The following ALOX15B variants were observed in gnomAD, a reference collection of about 807,000 sequenced individuals.
ALOX15B encodes arachidonate 15-lipoxygenase type B.
A neutral mutation model predicts 73.8 loss-of-function variants in ALOX15B; 74 were observed. The observed-to-expected ratio is 1.00, with a 90% CI of 0.83 to 1.22. The LOEUF (loss-of-function observed/expected upper bound fraction) is 1.22, where lower values mean the gene tolerates loss of function less well. ALOX15B is among the 50% of genes most tolerant of loss of function. The probability of loss-of-function intolerance (pLI) is 0.00; values close to 1 mark genes in which losing one functional copy is unlikely to be tolerated. For missense variants in ALOX15B, 896 were observed against 859.9 expected, an observed-to-expected ratio of 1.04 and a Z score of -0.52; for synonymous variants, 353 against 357.2, an observed-to-expected ratio of 0.99 and a Z score of 0.13.
chr17:8,045,578 G>C lies in ALOX15B; in HGVS notation c.1092G>C (p.Glu364Asp), dbSNP rs764388527. The change falls in exon 8 of 14, where the codon GAG (glutamate) becomes GAC (aspartate). Residue 364 changes from glutamate (E) to aspartate (D), a missense_variant. Physicochemically the swap from Glu to Asp is conservative, Grantham distance 45. Transcript: ENST00000380183. ...CCAAGACCTGGGTGCGCAATGCCGA[G>C]TTCTCCTTCCATGAGGCCCTCACGC... ...LLAKTWVRNA[E>D]FSFHEALTHL... The C allele has an allele frequency of 1.2e-6, 2 of 1,614,062 alleles. No homozygotes were observed. Among genetic ancestry groups the C allele is most frequent in the African/African-American group, 1.3e-5 (1 of 74,912 alleles).
rs200065292 is a variant in ALOX15B, at chr17:8,039,489, C to T, written c.251C>T (p.Pro84Leu). Residue 84 changes from proline to leucine, a missense_variant, in exon 2 of 14, where the codon CCG becomes CTG. By Grantham distance (98) the Pro-to-Leu change is moderately conservative (BLOSUM62 -3). Coordinates refer to ENST00000380183, the MANE Select transcript of ALOX15B (RefSeq NM_001141.3). ...CTGCCCCTGCTGGGGCCCCTGGCCC[C>T]GGATGCCTGGTTCTGCCGCTGGTTC... The part of the protein sequence containing the change: ...PVLPLLGPLA[P>L]DAWFCRWFQL... 6.3e-7 allele frequency: 1 copy of T among 1,583,226 alleles called. No individual in the cohort carries two copies. Among genetic ancestry groups the T allele is most frequent in the Non-Finnish European group, 8.6e-7 (1 of 1,166,920 alleles).
intron 11 of ALOX15B, 21 bp from the exon 12 acceptor site, chr17:8,047,543 C>A (rs760048780): frequency 3.8e-6 from 6 of 1,583,534 alleles, no homozygotes; most frequent in Non-Finnish European, 5.2e-6. Context: ...AAGCCCCATC[C>A]CAGCCCAGCT....
At chr17:8,047,429 TC>T in intron 11 of ALOX15B, 50 bp downstream of exon 11, 1 of 1,608,278 alleles carries the variant, frequency 6.2e-7, no homozygotes. Context: ...CATCCCCGTG[TC>T]CCCCACCCCC....
rs375041979 is a variant in ALOX15B at position 8,045,602 on chromosome 17, G to A, written c.1116G>A (p.Thr372=). ...AGTTCTCCTTCCATGAGGCCCTCAC[G>A]CACCTGCTGCACTCACATCTGCTGC... ...NAEFSFHEAL[T]HLLHSHLLPE... Residue 372 remains threonine (T), a synonymous_variant, in exon 8 of 14, where the codon ACG becomes ACA. Transcript: ENST00000380183. The A allele has an allele frequency of 3.1e-5, 50 of 1,614,128 alleles. No individual in the cohort carries two copies. The Admixed American group carries it at 4.3e-4, about 14-fold the overall frequency.
rs1298128701 is a variant in ALOX15B, at chr17:8,039,901, G to C, written c.368-1G>C. ...CCCAACCTACTCCCCTTCTCCCACAGCCAAGGTGTCCTGGGCAGACCACCA... is the reference window on the plus strand; with the variant it reads ...CCCAACCTACTCCCCTTCTCCCACACCCAAGGTGTCCTGGGCAGACCACCA... On this transcript the variant is annotated splice_acceptor_variant, in intron 2 of 13. Coordinates refer to ENST00000380183, the MANE Select transcript of ALOX15B (RefSeq NM_001141.3). LOFTEE classifies it high-confidence loss of function. 6.2e-7 allele frequency: 1 copy of C among 1,611,764 alleles called. No homozygotes were observed.
Position 8,042,896 on chromosome 17 carries a change from G to A in ALOX15B, c.676+12G>A, listed in dbSNP as rs766693592. Reference sequence around the variant, plus strand: ...GACCCCAGCAGCTGGTGAGGAGCTTGGGCCAGGGATCCTGACCTCTTTCCT... The same window carrying A: ...GACCCCAGCAGCTGGTGAGGAGCTTAGGCCAGGGATCCTGACCTCTTTCCT... On this transcript the variant is annotated intron_variant, in intron 5 of 13. Transcript: ENST00000380183. 8 of 1,547,668 alleles carry A rather than the reference G, an allele frequency of 5.2e-6. No homozygotes were observed. The East Asian group carries it at 7.3e-5, about 14-fold the overall frequency.
At chr17:8,042,283 C>A in intron 3 of ALOX15B, 86 bp from the exon 4 acceptor site, 1 of 1,532,574 alleles carries the variant, frequency 6.5e-7, no homozygotes, top group South Asian at 1.2e-5. Context: ...GTGACCAGGC[C>A]CCCCAAGGGG....
rs149132816 is a variant in ALOX15B at position 8,047,117 on chromosome 17, C to T, written c.1457+41C>T. 353 of 1,611,176 alleles carry T rather than the reference C, an allele frequency of 2.2e-4. 2 individuals are homozygous for T. In the African/African-American group the frequency reaches 3.7e-3, roughly 17 times the overall value. ...TGGAGAGCCGAGGGCTGGTCGGGGA[C>T]GTGGGAAGACAGGAAAGGAGACTGA... On this transcript the variant is annotated intron_variant, in intron 10 of 13. Transcript: ENST00000380183.
chr17:8,047,537 C>T, intron 11 of ALOX15B, 27 bp from the exon 12 acceptor site: 1 of 1,579,054 alleles, frequency 6.3e-7, no homozygotes, highest in Non-Finnish European at 8.6e-7. Flanking sequence ...CCCTGGAAGC[C>T]CCATCCCAGC....
At chr17:8,039,325 G>A (rs1271388852) in intron 1 of ALOX15B, 23 bp downstream of exon 1, 1 of 1,588,592 alleles carries the variant, frequency 6.3e-7, no homozygotes, top group Admixed American at 1.7e-5. Flanking sequence ...GAGTGGATGG[G>A]GTGGAGGTGA....
intron 3 of ALOX15B, among the ~76,000 whole-genome samples, chr17:8,041,875 T>C (rs1976472914): frequency 6.6e-6 from 1 of 152,234 alleles, no homozygotes. Flanking sequence ...CTCTACAAGA[T>C]GCGTCTGTGT....
At chr17:8,040,361 A>G (rs909918428) in intron 3 of ALOX15B, among the ~76,000 whole-genome samples, 2 of 151,932 alleles carry the variant, frequency 1.3e-5, no homozygotes, top group African/African-American at 2.4e-5. Flanking sequence ...CCTGGCCAAC[A>G]GGGCGAAACC....
At position 8,047,337 on chromosome 17, in the gene ALOX15B, A is replaced by C; in HGVS notation, c.1537A>C (p.Arg513=). The C allele has an allele frequency of 1.2e-6, 2 of 1,614,110 alleles. No homozygotes were observed. The highest frequency in any genetic ancestry group is 1.7e-6 in the Non-Finnish European group (2 of 1,179,988). The part of the protein sequence containing the change: ...QDDRELQAWV[R]EIFSKGFLNQ... ...TGACAGAGAGCTCCAGGCCTGGGTC[A>C]GAGAGATCTTCTCCAAGGGCTTCCT... The change falls in exon 11 of 14, where the codon AGA becomes CGA. Residue 513 remains arginine (R), a synonymous_variant. Transcript: ENST00000380183.
At chr17:8,043,620 T>A (rs955118471) in intron 5 of ALOX15B, among the ~76,000 whole-genome samples, 5 of 152,108 alleles carry the variant, frequency 3.3e-5, no homozygotes, top group Non-Finnish European at 5.9e-5. Flanking sequence ...GGCAAGAGAC[T>A]ATGAGAATCT....
In ALOX15B at chr17:8,045,264, CGGCATCCTCTCT is replaced by C. The variant is rs1976573970; in HGVS notation, c.884_895del (p.Leu295_Ile298del). 4 of 1,614,176 alleles carry C rather than the reference CGGCATCCTCTCT, an allele frequency of 2.5e-6. No individual in the cohort carries two copies. The highest frequency in any genetic ancestry group is 3.4e-6 in the Non-Finnish European group (4 of 1,180,034). Reference sequence around the variant, plus strand: ...AGGGCTCCCTGTTCTTGGTGGATCACGGCATCCTCTCTGGCATCCAGACCAATGTCATTAATG... The same window carrying C: ...AGGGCTCCCTGTTCTTGGTGGATCACGGCATCCAGACCAATGTCATTAATG... On this transcript the variant is annotated inframe_deletion, in exon 7 of 14. Coordinates refer to ENST00000380183, the MANE Select transcript of ALOX15B (RefSeq NM_001141.3).
intron 3 of ALOX15B, among the ~76,000 whole-genome samples, chr17:8,040,963 C>T (rs1202759998): frequency 6.6e-6 from 1 of 151,996 alleles, no homozygotes; most frequent in African/African-American, 2.4e-5. Context: ...AACAGATTTT[C>T]AAAAGATCTT....
rs1976392078 is a variant in ALOX15B, at chr17:8,039,973, G to C, written c.439G>C (p.Glu147Gln). ...CCAGGAGGAGCTTCAGGCCCGGCAG[G>C]AGATGTACCAGTGAGGAGGGGGTTA... ...QRQEELQARQ[E>Q]MYQWKAYNPG... The change falls in exon 3 of 14, where the codon GAG becomes CAG. Residue 147 changes from glutamate (E) to glutamine (Q), a missense_variant. Coordinates refer to ENST00000380183, the MANE Select transcript of ALOX15B (RefSeq NM_001141.3). The C allele has an allele frequency of 1.2e-6, 2 of 1,613,638 alleles. No homozygotes were observed. The highest frequency in any genetic ancestry group is 2.2e-5 in the East Asian group (1 of 44,854).
Position 8,045,060 on chromosome 17 carries a change from C to A in ALOX15B, c.849+59C>A, listed in dbSNP as rs371616641. 223 of 1,603,366 alleles carry A rather than the reference C, an allele frequency of 1.4e-4. 1 individual carries two copies. In the African/African-American group the frequency reaches 2.8e-3, roughly 20 times the overall value. ...CCCATCTCAGTGCCTTCACACCCGTCCCCTACTGGAGACAGAGGGGCACAC... is the reference window on the plus strand; with the variant it reads ...CCCATCTCAGTGCCTTCACACCCGTACCCTACTGGAGACAGAGGGGCACAC... On this transcript the variant is annotated intron_variant, in intron 6 of 13. Coordinates refer to ENST00000380183, the MANE Select transcript of ALOX15B (RefSeq NM_001141.3).
chr17:8,047,725 T>G lies in ALOX15B; in HGVS notation c.1681-20T>G. 6.2e-7 allele frequency: 1 copy of G among 1,614,030 alleles called. No homozygotes were observed. The highest frequency in any genetic ancestry group is 8.5e-7 in the Non-Finnish European group (1 of 1,179,938). The stretch of plus-strand genomic sequence containing the variant: ...AGGTGACCCAGCTCCTCAGCCTCAT[T>G]CTGCCCTCTCGGCCTTCAGTTTGAC... On this transcript the variant is annotated intron_variant, in intron 12 of 13. Transcript: ENST00000380183.
Sources: gnomAD v4.1 joint callset for allele counts (sites outside exome capture counted in the v4.1 genomes callset) on GRCh38, gnomAD v4.1.1 for gene constraint, MANE v1.5 for transcripts, NCBI Gene and HGNC (gene_info 2026-07-23, HGNC 2026-07-21) for gene names.